Variants in C6orf58 observed in about 807,000 individuals in gnomAD.
The protein encoded by C6orf58 is protein LEG1 homolog.
In C6orf58, 30 loss-of-function variants were observed where a neutral mutation model predicts 37.0. The ratio of observed to expected loss-of-function variants is 0.81; its 90% confidence interval spans 0.61 to 1.10. The LOEUF (loss-of-function observed/expected upper bound fraction) is 1.10, where lower values mean the gene tolerates loss of function less well. Among genes scored for constraint, C6orf58 ranks in the 50% least tolerant of loss-of-function variants. The pLI, the probability that C6orf58 is intolerant of heterozygous loss-of-function variation, is 0.00. For missense variants in C6orf58, 368 were observed against 387.5 expected (o/e 0.95, Z 0.42); for synonymous variants, 143 against 134.1 (o/e 1.07, Z -0.46).
At position 127,577,275 on chromosome 6, in the gene C6orf58, C is replaced by G. The variant is rs745556346; in HGVS notation, c.90C>G (p.Pro30=). 2.5e-6 allele frequency: 4 copies of G among 1,611,170 alleles called. No individual in the cohort carries two copies. Among genetic ancestry groups the G allele is most frequent in the African/African-American group, 1.3e-5 (1 of 74,840 alleles). The change falls in exon 1 of 6, where the codon CCC becomes CCG. Residue 30 remains proline (P), a synonymous_variant. Coordinates refer to ENST00000329722, the MANE Select transcript of C6orf58 (RefSeq NM_001010905.3). Reference sequence around the variant, plus strand: ...CTTCCAATCTCTCAGAGACAGAGCCCCCTCTGTGGAAGGAGAGTCCTGGTC... The same window carrying G: ...CTTCCAATCTCTCAGAGACAGAGCCGCCTCTGTGGAAGGAGAGTCCTGGTC... ...AGTSNLSETE[P]PLWKESPGQL...
chr6:127,585,502 G>A (rs1775097842), intron 4 of C6orf58, among the ~76,000 whole-genome samples: 1 of 152,162 alleles, frequency 6.6e-6, no homozygotes, highest in Non-Finnish European at 1.5e-5. Flanking sequence ...AGAGGACTCA[G>A]TTGTTTAAAT....
At chr6:127,580,564 C>T in intron 3 of C6orf58, 115 bp downstream of exon 3, 2 of 700,696 alleles carry the variant, frequency 2.9e-6, no homozygotes, top group Admixed American at 2.6e-5. Flanking sequence ...ATGTAAATTG[C>T]TATGCATGAT....
chr6:127,588,280 A>C (rs1355110432), intron 4 of C6orf58, among the ~76,000 whole-genome samples: 1 of 152,200 alleles, frequency 6.6e-6, no homozygotes, highest in African/African-American at 2.4e-5. Context: ...TGTATTTTTT[A>C]AGTCAAGTTA....
intron 4 of C6orf58, among the ~76,000 whole-genome samples, chr6:127,585,883 C>T (rs1775101373): frequency 6.6e-6 from 1 of 152,228 alleles, no homozygotes; most frequent in Non-Finnish European, 1.5e-5. Context: ...TTGGAACAAC[C>T]TGTCATTCCA....
chr6:127,583,199 G>A (rs1398434082), intron 4 of C6orf58, among the ~76,000 whole-genome samples: 2 of 152,120 alleles, frequency 1.3e-5, no homozygotes, highest in Admixed American at 1.3e-4. Flanking sequence ...GAATCTAAAA[G>A]TCTAGCTGTT....
rs149443729 is a variant in C6orf58, at chr6:127,580,598, G to A, written c.573+149G>A. 9 of 576,904 alleles carry A rather than the reference G, an allele frequency of 1.6e-5. No individual in the cohort carries two copies. In the East Asian group the frequency reaches 2.5e-4, roughly 16 times the overall value. 35.7% of individuals were successfully genotyped at this position (576,904 alleles called of 1,614,324 possible). A position where few individuals can be genotyped will look rare whatever the true frequency, so the allele number is the denominator to read the frequency against. ...ATATATTAATAGTATATTGTAGAGT[G>A]TTATGAGTCATTAACACCTACTGCC... On this transcript the variant is annotated intron_variant, in intron 3 of 5. Coordinates refer to ENST00000329722, the MANE Select transcript of C6orf58 (RefSeq NM_001010905.3).
chr6:127,582,888 C>A (rs1358187045), intron 4 of C6orf58, among the ~76,000 whole-genome samples: 1 of 152,112 alleles, frequency 6.6e-6, no homozygotes, highest in Non-Finnish European at 1.5e-5. Flanking sequence ...GTTGTTAAAT[C>A]CTCCACAAAT....
chr6:127,581,343 A>G lies in C6orf58; in HGVS notation c.674+61A>G, dbSNP rs368013562. ...TGATAAATAATTTTGGGCATTATTT[A>G]TATATTTTTCTTCTTCTTCTAGAGT... On this transcript the variant is annotated intron_variant, in intron 4 of 5. Transcript: ENST00000329722. 2.5e-5 allele frequency: 18 copies of G among 711,292 alleles called. No individual in the cohort carries two copies. In the East Asian group the frequency reaches 2.9e-4, roughly 11 times the overall value. The allele number at this position is 711,292 out of a possible 1,614,324, so 44.1% of individuals were successfully genotyped here.
intron 4 of C6orf58, among the ~76,000 whole-genome samples, chr6:127,587,427 G>A (rs1775118669): frequency 1.3e-5 from 2 of 151,996 alleles, no homozygotes; most frequent in African/African-American, 4.8e-5. Context: ...TAGTTCCTCA[G>A]GCAATTTGAA....
At chr6:127,579,119 A>T (rs1320262436) in intron 2 of C6orf58, among the ~76,000 whole-genome samples, 1 of 152,130 alleles carries the variant, frequency 6.6e-6, no homozygotes, top group African/African-American at 2.4e-5. Context: ...ACATCAAGAC[A>T]AATGATGCTT....
chr6:127,590,457 C>T, intron 5 of C6orf58, 132 bp downstream of exon 5: 1 of 641,866 alleles, frequency 1.6e-6, no homozygotes, highest in Admixed American at 2.8e-5. Context: ...GGTATCCATT[C>T]TATTTCTTTA....
chr6:127,577,262 C>G lies in C6orf58; in HGVS notation c.77C>G (p.Ser26Ter). Residue 26 changes from serine (S) to a stop codon, truncating the protein, a stop_gained, in exon 1 of 6, where the codon TCA (serine) becomes TGA (stop). Transcript: ENST00000329722. LOFTEE classifies it high-confidence loss of function. Reference protein sequence around the residue: ...SASLAGTSNLSETEPPLWKES... With the variant: ...SASLAGTSNL The stretch of plus-strand genomic sequence containing the variant: ...TCCTTAGCAGGGACTTCCAATCTCT[C>G]AGAGACAGAGCCCCCTCTGTGGAAG... The G allele has an allele frequency of 6.2e-7, 1 of 1,613,516 alleles. No homozygotes were observed. Among genetic ancestry groups the G allele is most frequent in the Non-Finnish European group, 8.5e-7 (1 of 1,179,566 alleles).
At chr6:127,580,549 T>G (rs1385896839) in intron 3 of C6orf58, 100 bp downstream of exon 3, 8 of 842,230 alleles carry the variant, frequency 9.5e-6, no homozygotes, top group Non-Finnish European at 1.5e-5. Context: ...TTCCTTAGTA[T>G]GCAGATGTAA....
intron 4 of C6orf58, among the ~76,000 whole-genome samples, chr6:127,588,685 A>G (rs1306955306): frequency 6.6e-6 from 1 of 152,164 alleles, no homozygotes; most frequent in Non-Finnish European, 1.5e-5. Context: ...AAATCATTCA[A>G]CTGATGCATT....
intron 5 of C6orf58, among the ~76,000 whole-genome samples, chr6:127,590,789 G>A (rs1458697564): frequency 1.3e-5 from 2 of 152,058 alleles, no homozygotes. Context: ...CATGGAAGAA[G>A]GGTTTTATTC....
intron 4 of C6orf58, among the ~76,000 whole-genome samples, chr6:127,583,274 C>T (rs1286674197): frequency 1.3e-5 from 2 of 152,134 alleles, no homozygotes; most frequent in Non-Finnish European, 2.9e-5. Flanking sequence ...ACCAGAGTAT[C>T]TCTAAGATCA....
rs899765285 is a variant in C6orf58 at position 127,580,403 on chromosome 6, G to A, written c.527G>A (p.Arg176His). ...RKFCYDVSSC[R>H]SSFPETMNKW... Reference sequence around the variant, plus strand: ...TTTTGTTATGATGTTTCTAGCTGTCGTTCATCCTTCCCTGAGACAATGAAC... The same window carrying A: ...TTTTGTTATGATGTTTCTAGCTGTCATTCATCCTTCCCTGAGACAATGAAC... Residue 176 changes from arginine to histidine, a missense_variant, in exon 3 of 6, where the codon CGT becomes CAT. By Grantham distance (29) the Arg-to-His change is conservative. Coordinates refer to ENST00000329722, the MANE Select transcript of C6orf58 (RefSeq NM_001010905.3). 15 of 1,612,646 alleles carry A rather than the reference G, an allele frequency of 9.3e-6. No homozygotes were observed. Among genetic ancestry groups the A allele is most frequent in the Non-Finnish European group, 1.1e-5 (13 of 1,179,174 alleles).
intron 2 of C6orf58, among the ~76,000 whole-genome samples, chr6:127,579,873 G>A (rs1352137766): frequency 6.6e-6 from 1 of 151,928 alleles, no homozygotes; most frequent in Non-Finnish European, 1.5e-5. Context: ...AAATATTTTA[G>A]AGAAAAATAC....
At chr6:127,584,985 C>G (rs1334287633) in intron 4 of C6orf58, among the ~76,000 whole-genome samples, 2 of 152,096 alleles carry the variant, frequency 1.3e-5, no homozygotes, top group Non-Finnish European at 2.9e-5. Context: ...TCTTGTTCTA[C>G]TTGATGTTGG....
Sources: gnomAD v4.1 joint callset for allele counts (sites outside exome capture counted in the v4.1 genomes callset) on GRCh38, gnomAD v4.1.1 for gene constraint, MANE v1.5 for transcripts, NCBI Gene and HGNC (gene_info 2026-07-23, HGNC 2026-07-21) for gene names.